NEB: variants seen among roughly 807,000 people sequenced by gnomAD.
The protein encoded by NEB is nemaline myopathy type 2.
A neutral mutation model predicts 952.2 loss-of-function variants in NEB; 512 were observed. That is an observed-to-expected ratio of 0.54 (90% confidence interval 0.50 to 0.58). NEB has a LOEUF of 0.58. Among genes scored for constraint, NEB ranks in the 20% least tolerant of loss-of-function variants. The probability of loss-of-function intolerance (pLI) is 0.00; values close to 1 mark genes in which losing one functional copy is unlikely to be tolerated. For synonymous variants in NEB, 2,900 were observed against 3,149.8 expected, an observed-to-expected ratio of 0.92 and a Z score of 2.66; for missense variants, 8,428 against 9,231.1, an observed-to-expected ratio of 0.91 and a Z score of 3.56.
chr2:151,562,570 G>A, intron 120 of NEB, 41 bp downstream of exon 120: 2 of 1,507,808 alleles, frequency 1.3e-6, no homozygotes, highest in East Asian at 2.3e-5. Flanking sequence ...ACACAGTCAT[G>A]GAAGCTGTAG....
At position 151,499,335 on chromosome 2, in the gene NEB, A is replaced by G. The variant is rs926019929; in HGVS notation, c.24077T>C (p.Met8026Thr). 2 of 1,543,300 alleles carry G rather than the reference A, an allele frequency of 1.3e-6. No homozygotes were observed. Among genetic ancestry groups the G allele is most frequent in the African/African-American group, 2.7e-5 (2 of 72,772 alleles). ...KGIPIPITPE[M>T]ERVKHNQENF... ...TTCTTGATTGTGTTTGACTCTCTCC[A>G]TCTCTGGAGTGATGGGGATTGGAAT... Residue 8026 changes from methionine (M) to threonine (T), a missense_variant, in exon 169 of 182, where the codon ATG (methionine) becomes ACG (threonine). Around this residue, in one of 11 missense-constraint regions of NEB, gnomAD observed 3,374 missense variants for 3,651.5 expected, o/e 0.92. Transcript: ENST00000397345.
Position 151,545,313 on chromosome 2 carries a change from C to T in NEB, c.20577+575G>A, listed in dbSNP as rs1367190572. Reference sequence around the variant, plus strand: ...TTTCTAGGCCAGGCGTGGTGGCTCACGCCTGTAATTCCAGTACTTTGGAAG... The same window carrying T: ...TTTCTAGGCCAGGCGTGGTGGCTCATGCCTGTAATTCCAGTACTTTGGAAG... On this transcript the variant is annotated intron_variant, in intron 135 of 181. Transcript: ENST00000397345. Among the ~76,000 whole-genome samples, 7 of 151,934 alleles carry T rather than the reference C, an allele frequency of 4.6e-5. No individual in the cohort carries two copies. The East Asian group carries it at 7.7e-4, about 17-fold the overall frequency.
At chr2:151,621,061 T>C in intron 71 of NEB, 35 bp from the exon 72 acceptor site, 1 of 1,501,082 alleles carries the variant, frequency 6.7e-7, no homozygotes, top group Non-Finnish European at 9.1e-7. Context: ...AAATATAGAA[T>C]TCACATTCAC....
intron 148 of NEB, 32 bp from the exon 149 acceptor site, chr2:151,526,294 G>C: frequency 7.1e-7 from 1 of 1,413,428 alleles, no homozygotes; most frequent in African/African-American, 1.4e-5. Flanking sequence ...CATTTCTTTA[G>C]CTCTGCTGGA....
chr2:151,623,519 A>G (rs2098457577), intron 71 of NEB, among the ~76,000 whole-genome samples: 1 of 152,184 alleles, frequency 6.6e-6, no homozygotes, highest in Non-Finnish European at 1.5e-5. Context: ...TAGTATCTGG[A>G]TTTTAAATAT....
chr2:151,686,892 A>G lies in NEB; in HGVS notation c.2637+527T>C, dbSNP rs76935557. On this transcript the variant is annotated intron_variant, in intron 27 of 181. Transcript: ENST00000397345. The stretch of plus-strand genomic sequence containing the variant: ...GTTCACCAAAATTCAGGCAAAAGGC[A>G]TGAAAAGAAATGTTCATTTTCTAGA... 6.6e-5 allele frequency among the ~76,000 whole-genome samples: 10 copies of G among 152,296 alleles called. No individual in the cohort carries two copies. The East Asian group carries it at 1.9e-3, about 29-fold the overall frequency.
At chr2:151,679,189 T>C (rs1054848201) in intron 32 of NEB, among the ~76,000 whole-genome samples, 3 of 152,018 alleles carry the variant, frequency 2.0e-5, no homozygotes, top group Non-Finnish European at 2.9e-5. Context: ...TATTTAAATC[T>C]CAAAGAGCAA....
chr2:151,636,056 T>C (rs2098757412), intron 64 of NEB, among the ~76,000 whole-genome samples, 171 bp downstream of exon 64: 1 of 152,238 alleles, frequency 6.6e-6, no homozygotes, highest in Non-Finnish European at 1.5e-5. Flanking sequence ...CAGATCCCTC[T>C]TATAAACATC....
At chr2:151,535,975 T>C (rs1407491980) in intron 141 of NEB, among the ~76,000 whole-genome samples, 180 bp from the exon 142 acceptor site, 2 of 152,172 alleles carry the variant, frequency 1.3e-5, no homozygotes, top group Non-Finnish European at 2.9e-5. Context: ...GGCACAGTCA[T>C]AGCTCACTGC....
Position 151,636,712 on chromosome 2 carries a change from C to T in NEB, c.8995-378G>A, listed in dbSNP as rs148214232. On this transcript the variant is annotated intron_variant, in intron 63 of 181. Coordinates refer to ENST00000397345, the MANE Select transcript of NEB (RefSeq NM_001164508.2). ...AGGAGAATTACTTGAACCTGGGAGG[C>T]GGAAGTTGCAGTGAGCTGAGATTGT... is the stretch of plus-strand genomic sequence containing the variant. Among the ~76,000 whole-genome samples, 834 of 151,904 alleles carry T rather than the reference C, an allele frequency of 5.5e-3. 10 individuals carry two copies. The highest frequency in any genetic ancestry group is 0.014 in the Admixed American group (217 of 15,264).
intron 10 of NEB, 22 bp downstream of exon 10, chr2:151,717,394 T>C (rs2099762046): frequency 6.6e-7 from 1 of 1,521,862 alleles, no homozygotes; most frequent in Admixed American, 1.7e-5. Context: ...AGGGAGGCAA[T>C]GTCCCAGCTC....
intron 127 of NEB, among the ~76,000 whole-genome samples, chr2:151,553,189 C>G (rs759928341): frequency 3.9e-5 from 6 of 152,172 alleles, no homozygotes; most frequent in Non-Finnish European, 7.3e-5. Context: ...CCTTCTCCAC[C>G]AGAGGACGAT....
rs895035382 is a variant in NEB at position 151,525,327 on chromosome 2, G to A, written c.22162-54C>T. 9 of 1,325,930 alleles carry A rather than the reference G, an allele frequency of 6.8e-6. No homozygotes were observed. The African/African-American group carries it at 1.3e-4, about 19-fold the overall frequency. The allele number at this position is 1,325,930 out of a possible 1,614,324, so 82.1% of individuals were successfully genotyped here. Reference sequence around the variant, plus strand: ...GTAGAGGAAGCTGGGAACAGAGTTGGTTTACTTGAAGAACTGTGAAATCTC... The same window carrying A: ...GTAGAGGAAGCTGGGAACAGAGTTGATTTACTTGAAGAACTGTGAAATCTC... On this transcript the variant is annotated intron_variant, in intron 150 of 181. Transcript: ENST00000397345.
chr2:151,576,247 A>G lies in NEB; in HGVS notation c.16812T>C (p.Ser5604=). ...VKNAQNIFCD[S]VYRTPVVNLK... ...GGTTCACCACAGGCGTCCGATAGAC[A>G]CTGTCACAAAAGATATTCTGGGCGT... The change falls in exon 106 of 182, where the codon AGT becomes AGC. Residue 5604 remains serine (S), a synonymous_variant. Transcript: ENST00000397345. The G allele has an allele frequency of 6.2e-7, 1 of 1,611,294 alleles. No homozygotes were observed. Among genetic ancestry groups the G allele is most frequent in the Non-Finnish European group, 8.5e-7 (1 of 1,178,086 alleles).
Position 151,609,787 on chromosome 2 carries a change from T to C in NEB, c.12330+22A>G, listed in dbSNP as rs748289685. On this transcript the variant is annotated intron_variant, in intron 81 of 181. Transcript: ENST00000397345. ...AATCTACATCTTCCCCTTCCCCCTT[T>C]CCCAAAATTCATGTTACGTACATCA... 3.9e-6 allele frequency: 6 copies of C among 1,546,452 alleles called. No individual in the cohort carries two copies. The Admixed American group carries it at 9.7e-5, about 25-fold the overall frequency.
At chr2:151,690,245 A>G (rs2099537794) in intron 24 of NEB, 1 of 162,870 alleles carries the variant, frequency 6.1e-6, no homozygotes, top group Non-Finnish European at 1.3e-5. Context: ...TAAAGTGCCC[A>G]TCCAGTTCTT....
Position 151,617,463 on chromosome 2 carries a change from T to C in NEB, c.11082A>G (p.Leu3694=), listed in dbSNP as rs774349707. The change falls in exon 75 of 182, where the codon TTA becomes TTG. Residue 3694 remains leucine, a synonymous_variant. Transcript: ENST00000397345. ...KNNALNMNKR[L]YTEAWDNDKK... is the part of the protein sequence containing the mutation. ...TGTCATTGTCCCAGGCTTCAGTATA[T>C]AAGCGCTACAAAAAAAAAAAAAAAA... The C allele has an allele frequency of 6.3e-6, 9 of 1,431,170 alleles. No individual in the cohort carries two copies. In the South Asian group the frequency reaches 1.1e-4, roughly 17 times the overall value. The allele number at this position is 1,431,170 out of a possible 1,614,324, so 88.7% of individuals were successfully genotyped here.
chr2:151,664,092 A>C (rs373903232), intron 44 of NEB, among the ~76,000 whole-genome samples: 147 of 152,196 alleles, frequency 9.7e-4, no homozygotes, highest in African/African-American at 3.3e-3. Context: ...AGATGTGTAA[A>C]TAAATTGGTT....
intron 124 of NEB, among the ~76,000 whole-genome samples, chr2:151,555,548 C>A (rs1051261238): frequency 6.6e-6 from 1 of 152,146 alleles, no homozygotes. Context: ...GTGCAATCAA[C>A]TTCTGTGGGA....
Sources: gnomAD v4.1 joint callset for allele counts (sites outside exome capture counted in the v4.1 genomes callset) on GRCh38, gnomAD v4.1.1 for gene constraint, gnomAD v4.1.1 regional missense constraint, MANE v1.5 for transcripts, NCBI Gene and HGNC (gene_info 2026-07-23, HGNC 2026-07-21) for gene names.